The following FILIP1L variants were observed in gnomAD, a reference collection of about 807,000 sequenced individuals.
FILIP1L encodes filamin A-interacting protein 1-like.
Under a neutral mutation model 96.6 loss-of-function variants are expected in FILIP1L, and 55 were observed. The observed-to-expected ratio is 0.57, with a 90% CI of 0.46 to 0.71. The LOEUF (loss-of-function observed/expected upper bound fraction) is 0.71. Ranked by LOEUF, FILIP1L falls within the 30% of genes least tolerant of loss-of-function variation. The pLI, the probability that FILIP1L is intolerant of heterozygous loss-of-function variation, is 0.00. For synonymous variants in FILIP1L, 467 were observed against 473.9 expected, an observed-to-expected ratio of 0.99 and a Z score of 0.19; for missense variants, 1,304 against 1,321.2, an observed-to-expected ratio of 0.99 and a Z score of 0.20.
At chr3:99,922,638 C>A (rs1258624377) in intron 4 of FILIP1L, among the ~76,000 whole-genome samples, 9 of 152,104 alleles carry the variant, frequency 5.9e-5, no homozygotes, top group Admixed American at 5.9e-4. Context: ...TTGAATAAGC[C>A]ATTTGAGATT....
intron 1 of FILIP1L, among the ~76,000 whole-genome samples, chr3:100,069,017 G>A (rs1238474545): frequency 2.0e-5 from 3 of 152,160 alleles, no homozygotes; most frequent in African/African-American, 7.2e-5. Context: ...CAGATAGAAC[G>A]TTAGCAAGTA....
At chr3:99,879,575 A>C (rs1417771990) in intron 4 of FILIP1L, among the ~76,000 whole-genome samples, 1 of 152,048 alleles carries the variant, frequency 6.6e-6, no homozygotes, top group Non-Finnish European at 1.5e-5. Flanking sequence ...CAGTCATCCA[A>C]GTATAGTAAG....
At chr3:99,915,285 C>T (rs1301630268) in intron 4 of FILIP1L, among the ~76,000 whole-genome samples, 1 of 152,174 alleles carries the variant, frequency 6.6e-6, no homozygotes, top group Non-Finnish European at 1.5e-5. Flanking sequence ...ACATTTCATT[C>T]ACTCATTCAA....
At chr3:99,925,304 C>CT (rs921333277) in intron 3 of FILIP1L, among the ~76,000 whole-genome samples, 2 of 152,168 alleles carry the variant, frequency 1.3e-5, no homozygotes, top group Non-Finnish European at 2.9e-5. Flanking sequence ...ATACTTACAT[C>CT]TTTTTTACAA....
At chr3:99,976,702 A>G (rs1708982361) in intron 1 of FILIP1L, among the ~76,000 whole-genome samples, 4 of 152,100 alleles carry the variant, frequency 2.6e-5, no homozygotes, top group African/African-American at 7.2e-5. Context: ...TAGTTTCAAT[A>G]TGATAGGATT....
In FILIP1L at chr3:99,930,030, C is replaced by T; in HGVS notation, c.253-1G>A. On this transcript the variant is annotated splice_acceptor_variant, in intron 2 of 5. Transcript: ENST00000477258. LOFTEE classifies it high-confidence loss of function. The stretch of plus-strand genomic sequence containing the variant: ...AAATGCCTATGACCTCATCTCGAGC[C>T]TGTAGGAACAAAAAGTATTTCAGAA... The T allele has an allele frequency of 1.9e-6, 3 of 1,594,684 alleles. No homozygotes were observed. The highest frequency in any genetic ancestry group is 2.3e-5 in the East Asian group (1 of 43,710).
intron 4 of FILIP1L, among the ~76,000 whole-genome samples, chr3:99,920,535 C>T (rs1011061492): frequency 6.6e-6 from 1 of 152,184 alleles, no homozygotes; most frequent in Non-Finnish European, 1.5e-5. Context: ...TGGAGCTGGT[C>T]AGTGAACGTT....
intron 1 of FILIP1L, among the ~76,000 whole-genome samples, chr3:100,076,807 G>C (rs9841186): frequency 0.18 from 27,660 of 152,172 alleles, 2,906 homozygotes; most frequent in South Asian, 0.25. Context: ...TGTTTAATAA[G>C]ATCTTTTGTG....
chr3:100,075,015 A>AT (rs954451488), intron 1 of FILIP1L, among the ~76,000 whole-genome samples: 3 of 151,850 alleles, frequency 2.0e-5, no homozygotes, highest in African/African-American at 7.3e-5. Flanking sequence ...TATAATAATG[A>AT]TTTTTTATAA....
intron 4 of FILIP1L, among the ~76,000 whole-genome samples, chr3:99,862,183 T>C (rs931552493): frequency 1.3e-5 from 2 of 152,184 alleles, no homozygotes; most frequent in African/African-American, 2.4e-5. Flanking sequence ...CATCATGTTA[T>C]AGGCCCTAAA....
intron 1 of FILIP1L, among the ~76,000 whole-genome samples, chr3:99,933,311 G>A (rs980197921): frequency 3.3e-5 from 5 of 152,174 alleles, no homozygotes; most frequent in African/African-American, 1.2e-4. Flanking sequence ...TGTGACAGTA[G>A]TTGTCACTGG....
intron 4 of FILIP1L, among the ~76,000 whole-genome samples, chr3:99,883,553 T>C (rs1705798311): frequency 6.6e-6 from 1 of 152,120 alleles, no homozygotes; most frequent in African/African-American, 2.4e-5. Context: ...ACAGATTTTC[T>C]TACCATTTTA....
intron 1 of FILIP1L, among the ~76,000 whole-genome samples, chr3:99,990,641 A>T (rs557565694): frequency 1.3e-5 from 2 of 152,184 alleles, no homozygotes; most frequent in Non-Finnish European, 2.9e-5. Flanking sequence ...AATCTTAGAG[A>T]TGATGTCCTG....
intron 4 of FILIP1L, among the ~76,000 whole-genome samples, chr3:99,894,482 T>G (rs1319936826): frequency 6.6e-6 from 1 of 152,228 alleles, no homozygotes; most frequent in Non-Finnish European, 1.5e-5. Flanking sequence ...TTTTTGATAC[T>G]TCTAAAGTCT....
intron 1 of FILIP1L, among the ~76,000 whole-genome samples, chr3:100,067,286 G>C (rs147170225): frequency 0.012 from 1,829 of 152,242 alleles, 24 homozygotes; most frequent in African/African-American, 0.027. Context: ...TCTCTTCTTG[G>C]CTTTCTTGGC....
At chr3:100,097,276 A>G (rs2066226392) in intron 1 of FILIP1L, among the ~76,000 whole-genome samples, 1 of 152,252 alleles carries the variant, frequency 6.6e-6, no homozygotes, top group Non-Finnish European at 1.5e-5. Flanking sequence ...GTCTTCCACA[A>G]AACCAGTCCC....
intron 1 of FILIP1L, among the ~76,000 whole-genome samples, chr3:99,950,925 G>GCTGT (rs1708158184): frequency 6.6e-6 from 1 of 152,138 alleles, no homozygotes; most frequent in Non-Finnish European, 1.5e-5. Context: ...GGAGGGGAAG[G>GCTGT]CTGTCACCCA....
intron 1 of FILIP1L, among the ~76,000 whole-genome samples, chr3:99,975,211 A>G (rs906573265): frequency 2.0e-5 from 3 of 152,236 alleles, no homozygotes; most frequent in African/African-American, 7.2e-5. Context: ...ATTTGTTCAC[A>G]TATTACTTCA....
intron 1 of FILIP1L, among the ~76,000 whole-genome samples, chr3:99,937,982 G>T (rs1707733894): frequency 1.3e-5 from 2 of 152,182 alleles, no homozygotes; most frequent in African/African-American, 4.8e-5. Context: ...ACTCTCATAA[G>T]AGATAGCAAA....
Sources: gnomAD v4.1 joint callset for allele counts (sites outside exome capture counted in the v4.1 genomes callset) on GRCh38, gnomAD v4.1.1 for gene constraint, MANE v1.5 for transcripts, NCBI Gene and HGNC (gene_info 2026-07-23, HGNC 2026-07-21) for gene names.